POC1A: variants seen among roughly 807,000 people sequenced by gnomAD.
POC1A encodes POC1 centriolar protein A.
In POC1A, 34 loss-of-function variants were observed where a neutral mutation model predicts 47.8. That is an observed-to-expected ratio of 0.71 (90% CI 0.54 to 0.95). The LOEUF is 0.95. Among genes scored for constraint, POC1A ranks in the 40% least tolerant of loss-of-function variants. The pLI is 0.00. For synonymous variants in POC1A, 177 were observed against 207.6 expected (o/e 0.85, Z 1.27); for missense variants, 466 against 528.3 (o/e 0.88, Z 1.16).
At chr3:52,125,015 C>T (rs1205687244) in intron 8 of POC1A, 98 bp downstream of exon 8, 7 of 955,174 alleles carry the variant, frequency 7.3e-6, no homozygotes, top group Admixed American at 2.3e-5. Flanking sequence ...AGGAAGCTGG[C>T]GAAACCCAGC....
chr3:52,112,216 C>G (rs114878660), intron 9 of POC1A, among the ~76,000 whole-genome samples: 180 of 152,270 alleles, frequency 1.2e-3, no homozygotes, highest in African/African-American at 4.3e-3. Flanking sequence ...TGCGGTGGTG[C>G]AATCATAGTT....
intron 10 of POC1A, among the ~76,000 whole-genome samples, chr3:52,086,580 G>A (rs149367086): frequency 8.5e-5 from 13 of 152,320 alleles, no homozygotes; most frequent in African/African-American, 2.9e-4. Flanking sequence ...GCGTACACAC[G>A]CAGGACCCTG....
At chr3:52,151,303 T>A in intron 1 of POC1A, 1 of 593,270 alleles carries the variant, frequency 1.7e-6, no homozygotes. Flanking sequence ...ACATCAACTG[T>A]GGAAATGCTT....
At chr3:52,139,894 C>G (rs1205119393) in intron 6 of POC1A, among the ~76,000 whole-genome samples, 1 of 152,204 alleles carries the variant, frequency 6.6e-6, no homozygotes, top group Non-Finnish European at 1.5e-5. Context: ...ATGCATGGAT[C>G]AGCTGTATCA....
At chr3:52,101,458 T>C (rs1703003963) in intron 9 of POC1A, among the ~76,000 whole-genome samples, 1 of 152,152 alleles carries the variant, frequency 6.6e-6, no homozygotes, top group Non-Finnish European at 1.5e-5. Context: ...ATGACCTAGA[T>C]GTTGAAACTA....
intron 9 of POC1A, among the ~76,000 whole-genome samples, chr3:52,114,630 G>T (rs1703497539): frequency 6.6e-6 from 1 of 152,150 alleles, no homozygotes; most frequent in Admixed American, 6.5e-5. Flanking sequence ...CAGAGACAAG[G>T]ACTTGGCTGG....
intron 10 of POC1A, among the ~76,000 whole-genome samples, chr3:52,094,221 A>C (rs1702734050): frequency 6.6e-6 from 1 of 152,240 alleles, no homozygotes. Context: ...AGGACTGGGC[A>C]GATGGCAAGG....
chr3:52,093,480 A>G (rs980437346), intron 10 of POC1A, among the ~76,000 whole-genome samples: 3 of 152,240 alleles, frequency 2.0e-5, no homozygotes, highest in Non-Finnish European at 2.9e-5. Flanking sequence ...AGCCTTGGAT[A>G]ACGACAATGG....
chr3:52,154,259 C>T, intron 1 of POC1A, 96 bp downstream of exon 1: 1 of 1,342,024 alleles, frequency 7.5e-7, no homozygotes, highest in Non-Finnish European at 1.0e-6. Flanking sequence ...AACCTGGCGC[C>T]CCGCCCGCCC....
chr3:52,088,877 A>T (rs1396319981), intron 10 of POC1A, among the ~76,000 whole-genome samples: 1 of 47,970 alleles, frequency 2.1e-5, no homozygotes. Flanking sequence ...GCCCTCCCCC[A>T]GCCCTCCCCC....
chr3:52,096,587 C>G lies in POC1A; in HGVS notation c.1107G>C (p.Gln369His). 6.3e-7 allele frequency: 1 copy of G among 1,589,782 alleles called. No individual in the cohort carries two copies. Among genetic ancestry groups the G allele is most frequent in the Non-Finnish European group, 8.6e-7 (1 of 1,169,110 alleles). The change falls in exon 10 of 11, where the codon CAG becomes CAC. Residue 369 changes from glutamine to histidine, a missense_variant. Physicochemically the swap from Gln to His is conservative, Grantham distance 24 (BLOSUM62 0). Transcript: ENST00000296484. Reference sequence around the variant, plus strand: ...GGCCTACCTGAGTGAGGACATCCAGCTGGCCCACAATGTGCTCCAGCGTGC... The same window carrying G: ...GGCCTACCTGAGTGAGGACATCCAGGTGGCCCACAATGTGCTCCAGCGTGC... The part of the protein sequence containing the change: ...LTSTLEHIVG[Q>H]LDVLTQTVSI...
chr3:52,122,274 A>G (rs892519287), intron 9 of POC1A, 105 bp downstream of exon 9: 6 of 658,610 alleles, frequency 9.1e-6, no homozygotes, highest in Non-Finnish European at 1.4e-5. Flanking sequence ...CTTTCCCGAG[A>G]CAGGCCTAAA....
chr3:52,139,886 G>A (rs973756339), intron 6 of POC1A, among the ~76,000 whole-genome samples: 1 of 152,182 alleles, frequency 6.6e-6, no homozygotes, highest in Non-Finnish European at 1.5e-5. Flanking sequence ...CACAGCCAAT[G>A]CATGGATCAG....
intron 10 of POC1A, among the ~76,000 whole-genome samples, chr3:52,088,589 A>G (rs1339901896): frequency 6.6e-6 from 1 of 152,142 alleles, no homozygotes; most frequent in East Asian, 1.9e-4. Flanking sequence ...TCACGGGGTC[A>G]GCTGTGATGA....
At chr3:52,097,715 G>T (rs1702868932) in intron 9 of POC1A, among the ~76,000 whole-genome samples, 1 of 152,224 alleles carries the variant, frequency 6.6e-6, no homozygotes, top group African/African-American at 2.4e-5. Context: ...AAAAATGCTG[G>T]CCCTCATGGT....
At chr3:52,101,670 T>C (rs535974089) in intron 9 of POC1A, among the ~76,000 whole-genome samples, 10 of 152,248 alleles carry the variant, frequency 6.6e-5, no homozygotes, top group Admixed American at 2.0e-4. Context: ...ATCTTAAAGA[T>C]AGATCAATTC....
intron 9 of POC1A, among the ~76,000 whole-genome samples, chr3:52,101,091 A>C (rs1231192461): frequency 9.2e-6 from 1 of 108,570 alleles, no homozygotes; most frequent in Non-Finnish European, 1.9e-5. Flanking sequence ...AACCCTCAGC[A>C]AAAAAAAAAA....
Position 52,079,321 on chromosome 3 carries a change from C to T in POC1A, c.1126-3336G>A, listed in dbSNP as rs888409926. ...GCCCAGCCAAGCAGGCTGCTCTCGT[C>T]GCCTCATGCTCCGTCCAGCCCGGGA... On this transcript the variant is annotated intron_variant, in intron 10 of 10. Coordinates refer to ENST00000296484, the MANE Select transcript of POC1A (RefSeq NM_015426.5). The surrounding 1 kb of genome is among the most constrained non-coding windows in gnomAD (Gnocchi z 4.6). Among the ~76,000 whole-genome samples the T allele has an allele frequency of 9.2e-5, 14 of 152,214 alleles. No homozygotes were observed. Among genetic ancestry groups the T allele is most frequent in the African/African-American group, 3.1e-4 (13 of 41,464 alleles).
chr3:52,119,431 G>C (rs1350453698), intron 9 of POC1A, among the ~76,000 whole-genome samples: 1 of 149,636 alleles, frequency 6.7e-6, no homozygotes, highest in Non-Finnish European at 1.5e-5. Flanking sequence ...GTCTCACTCT[G>C]TCATCCAAGC....
Sources: gnomAD v4.1 joint callset for allele counts (sites outside exome capture counted in the v4.1 genomes callset) on GRCh38, gnomAD v4.1.1 for gene constraint, Gnocchi (gnomAD v3.1) non-coding constraint, MANE v1.5 for transcripts, NCBI Gene and HGNC (gene_info 2026-07-23, HGNC 2026-07-21) for gene names.